The following PCDHA12 variants were observed in gnomAD, a reference collection of about 807,000 sequenced individuals.
PCDHA12 encodes the protein protocadherin alpha 12.
In PCDHA12, 44 loss-of-function variants were observed where a neutral mutation model predicts 60.0. The ratio of observed to expected loss-of-function variants is 0.73; its 90% confidence interval spans 0.58 to 0.94. The LOEUF is 0.94. Among genes scored for constraint, PCDHA12 ranks in the 40% least tolerant of loss-of-function variants. PCDHA12 has a pLI of 0.00. For synonymous variants in PCDHA12, 569 were observed against 553.0 expected, an observed-to-expected ratio of 1.03 and a Z score of -0.40; for missense variants, 1,276 against 1,239.7, an observed-to-expected ratio of 1.03 and a Z score of -0.44.
intron 1 of PCDHA12, chr5:140,969,110 C>G (rs1380719565): frequency 2.5e-6 from 4 of 1,614,064 alleles, no homozygotes; most frequent in South Asian, 2.2e-5. Context: ...CATTGAAGTT[C>G]GAGGGAATGG....
intron 1 of PCDHA12, chr5:140,928,383 G>T (rs1474490422): frequency 2.5e-6 from 4 of 1,613,920 alleles, no homozygotes; most frequent in South Asian, 1.1e-5. Context: ...CCTCTAGCTT[G>T]CTGGCAGTGG....
At chr5:140,901,033 T>C (rs2153472378) in intron 1 of PCDHA12, among the ~76,000 whole-genome samples, 1 of 152,364 alleles carries the variant, frequency 6.6e-6, no homozygotes, top group South Asian at 2.1e-4. Flanking sequence ...TTCAACTCTT[T>C]TGCCCATTTT....
At chr5:140,967,272 T>C in intron 1 of PCDHA12, 2 of 1,613,412 alleles carry the variant, frequency 1.2e-6, no homozygotes, top group Non-Finnish European at 1.7e-6. Flanking sequence ...CGCTTTCACA[T>C]AGAGAGTGCG....
Position 140,875,520 on chromosome 5 carries a change from C to T in PCDHA12, c.48C>T (p.Leu16=). The T allele has an allele frequency of 1.2e-6, 2 of 1,614,004 alleles. No individual in the cohort carries two copies. The highest frequency in any genetic ancestry group is 1.7e-6 in the Non-Finnish European group (2 of 1,179,914). ...GCCCGGGATCCCAGCGTCTGCTGCT[C>T]TCGCTTCTGCTCCTTGCAGCCTGGG... The part of the protein sequence containing the change: ...PRGPGSQRLL[L]SLLLLAAWEV... The change falls in exon 1 of 4, where the codon CTC becomes CTT. Residue 16 remains leucine (L), a synonymous_variant. Coordinates refer to ENST00000398631, the MANE Select transcript of PCDHA12 (RefSeq NM_018903.4).
At chr5:140,925,108 G>GGAAGGAA (rs1554202548) in intron 1 of PCDHA12, among the ~76,000 whole-genome samples, 42 of 124,700 alleles carry the variant, frequency 3.4e-4, no homozygotes, top group African/African-American at 1.4e-3. Context: ...GAAGGAAGGA[G>GGAAGGAA]GGAAGGAAGG....
At chr5:140,937,284 G>A (rs1473374286) in intron 1 of PCDHA12, among the ~76,000 whole-genome samples, 2 of 151,964 alleles carry the variant, frequency 1.3e-5, no homozygotes, top group South Asian at 2.1e-4. Context: ...TGATTCACCC[G>A]CTTCGGCCTC....
chr5:140,957,652 A>G (rs2095373583), intron 1 of PCDHA12, among the ~76,000 whole-genome samples: 1 of 152,132 alleles, frequency 6.6e-6, no homozygotes, highest in African/African-American at 2.4e-5. Flanking sequence ...TAAATATTCA[A>G]TCATGGAGTA....
rs142866496 is a variant in PCDHA12, at chr5:140,917,224, G to A, written c.2367+39385G>A. Among the ~76,000 whole-genome samples, 29 of 151,040 alleles carry A rather than the reference G, an allele frequency of 1.9e-4. No homozygotes were observed. In the East Asian group the frequency reaches 2.2e-3, roughly 11 times the overall value. ...TCTTCAATGCCTCTTTTAGTGATAC[G>A]TTGTTAAATCTAGGTACTACGATTG... On this transcript the variant is annotated intron_variant, in intron 1 of 3. Transcript: ENST00000398631.
In PCDHA12 at chr5:140,981,687, ATCATTCATTCAT is replaced by A. The variant is rs200213847; in HGVS notation, c.2427-771_2427-760del. Among the ~76,000 whole-genome samples the A allele has an allele frequency of 3.0e-3, 453 of 152,088 alleles. 7 individuals are homozygous for A. In the East Asian group the frequency reaches 0.044, roughly 15 times the overall value. Reference sequence around the variant, plus strand: ...CTTCCTTTCTTCCTTCCTCCCTTCCATCATTCATTCATTCATTCATTCATTCATCCAACAAAT... The same window carrying A: ...CTTCCTTTCTTCCTTCCTCCCTTCCATCATTCATTCATTCATCCAACAAAT... On this transcript the variant is annotated intron_variant, in intron 2 of 3. Transcript: ENST00000398631.
At chr5:140,970,597 TA>T (rs2096419556) in intron 1 of PCDHA12, among the ~76,000 whole-genome samples, 4 of 152,198 alleles carry the variant, frequency 2.6e-5, no homozygotes, top group Non-Finnish European at 5.9e-5. Context: ...TGCTTTGTGA[TA>T]CTTAAAACTT....
Position 140,966,227 on chromosome 5 carries a change from A to T in PCDHA12, c.2368-12722A>T, listed in dbSNP as rs556655692. The T allele has an allele frequency of 3.7e-5, 10 of 270,804 alleles. No individual in the cohort carries two copies. The South Asian group carries it at 1.7e-3, about 46-fold the overall frequency. 16.8% of individuals were successfully genotyped at this position (270,804 alleles called of 1,614,324 possible). On this transcript the variant is annotated intron_variant, in intron 1 of 3. Coordinates refer to ENST00000398631, the MANE Select transcript of PCDHA12 (RefSeq NM_018903.4). ...CTGCTTTTCCCAGACTAATCTCCTT[A>T]AAGACCCGTTAAGCAGGGGAGAGAC...
chr5:140,875,484 C>A lies in PCDHA12; in HGVS notation c.12C>A (p.Ile4=). Residue 4 remains isoleucine (I), a synonymous_variant, in exon 1 of 4, where the codon ATC becomes ATA. Transcript: ENST00000398631. MVI[I]GPRGPGSQRL... ...CCTCATTTTCTGCAATGGTGATTAT[C>A]GGACCAAGAGGCCCGGGATCCCAGC... 6.2e-7 allele frequency: 1 copy of A among 1,611,246 alleles called. No individual in the cohort carries two copies.
intron 1 of PCDHA12, among the ~76,000 whole-genome samples, chr5:140,946,711 T>C (rs1165441185): frequency 1.3e-5 from 2 of 150,618 alleles, no homozygotes; most frequent in African/African-American, 2.5e-5. Context: ...GAGGTCATTA[T>C]GTTTAGTTAA....
intron 1 of PCDHA12, among the ~76,000 whole-genome samples, chr5:140,885,025 T>A (rs2060432297): frequency 6.6e-6 from 1 of 152,228 alleles, no homozygotes; most frequent in Non-Finnish European, 1.5e-5. Context: ...ATCTTAAATT[T>A]AAAAAATTTT....
intron 3 of PCDHA12, among the ~76,000 whole-genome samples, chr5:140,991,251 A>G (rs2097441392): frequency 6.6e-6 from 1 of 152,306 alleles, no homozygotes; most frequent in South Asian, 2.1e-4. Context: ...GCAGTATTTG[A>G]ACTCATGTCT....
At chr5:140,936,446 C>G (rs1200299868) in intron 1 of PCDHA12, among the ~76,000 whole-genome samples, 1 of 152,164 alleles carries the variant, frequency 6.6e-6, no homozygotes, top group Non-Finnish European at 1.5e-5. Flanking sequence ...TAAATAACCA[C>G]ATCTGTTTAG....
chr5:140,928,379 G>C, intron 1 of PCDHA12: 1 of 1,614,172 alleles, frequency 6.2e-7, no homozygotes, highest in Non-Finnish European at 8.5e-7. Flanking sequence ...TCAGCCTCTA[G>C]CTTGCTGGCA....
At position 140,877,504 on chromosome 5, in the gene PCDHA12, A is replaced by T. The variant is rs532509235; in HGVS notation, c.2032A>T (p.Thr678Ser). The T allele has an allele frequency of 1.1e-5, 18 of 1,613,764 alleles. No individual in the cohort carries two copies. The South Asian group carries it at 1.3e-4, about 12-fold the overall frequency. Residue 678 changes from threonine (T) to serine (S), a missense_variant, in exon 1 of 4, where the codon ACG (threonine) becomes TCG (serine). Coordinates refer to ENST00000398631, the MANE Select transcript of PCDHA12 (RefSeq NM_018903.4). Reference protein sequence around the residue: ...SLVENGQAPKTSSRASVGAVD... With the variant: ...SLVENGQAPKSSSRASVGAVD... ...GGTGGAGAACGGCCAGGCCCCAAAG[A>T]CGTCGTCGCGGGCCTCAGTGGGCGC...
chr5:140,916,621 C>T (rs1031371866), intron 1 of PCDHA12, among the ~76,000 whole-genome samples: 8 of 152,200 alleles, frequency 5.3e-5, no homozygotes, highest in Non-Finnish European at 1.2e-4. Flanking sequence ...TGACTCTACT[C>T]AATGCCCTAT....
Sources: gnomAD v4.1 joint callset for allele counts (sites outside exome capture counted in the v4.1 genomes callset) on GRCh38, gnomAD v4.1.1 for gene constraint, MANE v1.5 for transcripts, NCBI Gene and HGNC (gene_info 2026-07-23, HGNC 2026-07-21) for gene names.